The following MPDZ variants were observed in gnomAD, a reference collection of about 807,000 sequenced individuals.
MPDZ encodes multiple PDZ domain protein.
In MPDZ, 234 loss-of-function variants were observed where a neutral mutation model predicts 239.1. The observed-to-expected ratio is 0.98, with a 90% CI of 0.88 to 1.09. The LOEUF is 1.09. Ranked by LOEUF, MPDZ falls within the 50% of genes least tolerant of loss-of-function variation. The pLI is 0.00. For synonymous variants in MPDZ, 1,048 were observed against 881.3 expected (o/e 1.19, Z -3.35); for missense variants, 3,175 against 2,510.0 (o/e 1.26, Z -5.66).
At chr9:13,193,436 A>G (rs536219700) in intron 13 of MPDZ, 123 bp from the exon 14 acceptor site, 60 of 1,104,832 alleles carry the variant, frequency 5.4e-5, no homozygotes, top group Admixed American at 1.7e-4. Flanking sequence ...TTCAAAAACC[A>G]TATTGTAAAA....
chr9:13,238,504 C>G (rs564354147), intron 3 of MPDZ, among the ~76,000 whole-genome samples: 7 of 152,252 alleles, frequency 4.6e-5, no homozygotes, highest in Admixed American at 4.6e-4. Flanking sequence ...TGGCAAGGAG[C>G]TGTTCTCCTC....
chr9:13,246,425 G>T (rs966803021), intron 3 of MPDZ, among the ~76,000 whole-genome samples: 2 of 152,212 alleles, frequency 1.3e-5, no homozygotes, highest in African/African-American at 4.8e-5. Context: ...CTGAGTGGCA[G>T]AATGAGACTC....
intron 39 of MPDZ, among the ~76,000 whole-genome samples, chr9:13,115,683 C>T (rs1265689154): frequency 6.6e-5 from 10 of 151,964 alleles, no homozygotes; most frequent in South Asian, 2.1e-4. Flanking sequence ...AAAAACAAAG[C>T]GACTGTAATC....
At chr9:13,169,879 CCTT>C (rs1313129526) in intron 21 of MPDZ, among the ~76,000 whole-genome samples, 2 of 152,124 alleles carry the variant, frequency 1.3e-5, no homozygotes, top group Admixed American at 1.3e-4. Flanking sequence ...TTGCCTGACA[CCTT>C]CTTTCTGCAG....
At chr9:13,273,018 G>C (rs142041106) in intron 1 of MPDZ, among the ~76,000 whole-genome samples, 1 of 152,034 alleles carries the variant, frequency 6.6e-6, no homozygotes, top group Non-Finnish European at 1.5e-5. Context: ...CTAATGAATG[G>C]GATTAGTGCC....
At chr9:13,262,776 T>C (rs1445692747) in intron 1 of MPDZ, among the ~76,000 whole-genome samples, 1 of 152,090 alleles carries the variant, frequency 6.6e-6, no homozygotes, top group Admixed American at 6.5e-5. Flanking sequence ...TAGACTCATT[T>C]TTTAAAGAAC....
At chr9:13,135,972 C>T in intron 31 of MPDZ, 120 bp downstream of exon 31, 1 of 659,618 alleles carries the variant, frequency 1.5e-6, no homozygotes. Context: ...CCTTGAAGGC[C>T]AAGGCTATAA....
Position 13,256,674 on chromosome 9 carries a change from T to C in MPDZ, c.-57-6302A>G, listed in dbSNP as rs115156587. 8.9e-3 allele frequency among the ~76,000 whole-genome samples: 1,360 copies of C among 152,260 alleles called. 24 individuals carry two copies. The highest frequency in any genetic ancestry group is 0.031 in the African/African-American group (1,302 of 41,552). On this transcript the variant is annotated intron_variant, in intron 1 of 46. Transcript: ENST00000319217. Reference sequence around the variant, plus strand: ...CATTTATTAGGTTCACCATCTTAAATGTGCAGGGCTGTAGCACCCCAAAAT... The same window carrying C: ...CATTTATTAGGTTCACCATCTTAAACGTGCAGGGCTGTAGCACCCCAAAAT...
chr9:13,106,851 C>A lies in MPDZ; in HGVS notation c.*114G>T, dbSNP rs1028025519. On this transcript the variant is annotated 3_prime_UTR_variant, in exon 47 of 47. Coordinates refer to ENST00000319217, the MANE Select transcript of MPDZ (RefSeq NM_001378778.1). ...AAAGAAACTTAAGTGTTATTTCCCCCCTACAGTTTTGAAGACCCGGCTGAA... is the reference window on the plus strand; with the variant it reads ...AAAGAAACTTAAGTGTTATTTCCCCACTACAGTTTTGAAGACCCGGCTGAA... The A allele has an allele frequency of 4.4e-6, 5 of 1,141,906 alleles. No individual in the cohort carries two copies. Among genetic ancestry groups the A allele is most frequent in the African/African-American group, 1.5e-5 (1 of 65,400 alleles). 70.7% of individuals were successfully genotyped at this position (1,141,906 alleles called of 1,614,324 possible).
In MPDZ at chr9:13,147,768, T is replaced by C. The variant is rs904345822; in HGVS notation, c.3631-110A>G. On this transcript the variant is annotated intron_variant, in intron 25 of 46. Transcript: ENST00000319217. ...GGTTAGACTCCTAGAAAATCTGTTT[T>C]AATATCAAAAATAATTGAGACTACA... The C allele has an allele frequency of 4.1e-6, 3 of 727,060 alleles. No individual in the cohort carries two copies. In the Admixed American group the frequency reaches 8.1e-5, roughly 20 times the overall value. The allele number at this position is 727,060 out of a possible 1,614,324, so 45.0% of individuals were successfully genotyped here. A position where few individuals can be genotyped will look rare whatever the true frequency, so the allele number is the denominator to read the frequency against.
intron 24 of MPDZ, among the ~76,000 whole-genome samples, chr9:13,156,656 G>A (rs1050101061): frequency 6.6e-6 from 1 of 152,112 alleles, no homozygotes; most frequent in Non-Finnish European, 1.5e-5. Flanking sequence ...GATTTGGGTG[G>A]GGACACAGAG....
At position 13,176,302 on chromosome 9, in the gene MPDZ, C is replaced by T. The variant is rs376238499; in HGVS notation, c.2765G>A (p.Ser922Asn). The T allele has an allele frequency of 2.1e-5, 34 of 1,610,068 alleles. No homozygotes were observed. Among genetic ancestry groups the T allele is most frequent in the Non-Finnish European group, 2.5e-5 (29 of 1,178,020 alleles). Reference protein sequence around the residue: ...QDENTPSVDISMGPASGFTIN... With the variant: ...QDENTPSVDINMGPASGFTIN... ...AGTAAAGCCAGAAGCAGGCCCCATA[C>T]TTATGTCCACCGAAGGTGTATTCTC... The change falls in exon 20 of 47, where the codon AGT becomes AAT. Residue 922 changes from serine (S) to asparagine (N), a missense_variant. Ser to Asn is a conservative substitution (Grantham distance 46). Coordinates refer to ENST00000319217, the MANE Select transcript of MPDZ (RefSeq NM_001378778.1).
chr9:13,259,532 A>G (rs1218765836), intron 1 of MPDZ, among the ~76,000 whole-genome samples: 6 of 152,256 alleles, frequency 3.9e-5, no homozygotes, highest in Non-Finnish European at 7.4e-5. Context: ...AGAAATGAAC[A>G]ATTAAAATAC....
At chr9:13,129,561 T>C (rs1487638684) in intron 32 of MPDZ, among the ~76,000 whole-genome samples, 1 of 152,052 alleles carries the variant, frequency 6.6e-6, no homozygotes, top group Non-Finnish European at 1.5e-5. Context: ...GAATGTGCAA[T>C]TTTTTATCTA....
chr9:13,217,146 C>T, intron 9 of MPDZ, 34 bp downstream of exon 9: 12 of 1,316,118 alleles, frequency 9.1e-6, no homozygotes, highest in Non-Finnish European at 1.2e-5. Flanking sequence ...AGGTAATTGT[C>T]AAGTTTAAAA....
Position 13,126,716 on chromosome 9 carries a change from G to T in MPDZ, c.4521C>A (p.Ile1507=). ...CCCCATGCTCTGTTAAGCTCTTTAT[G>T]ATGACTCCACTGAGTGTATCTTCTT... ...ISEEDTLSGV[I]IKSLTEHGVA... The change falls in exon 33 of 47, where the codon ATC becomes ATA. Residue 1507 remains isoleucine, a synonymous_variant. Transcript: ENST00000319217. 6.2e-7 allele frequency: 1 copy of T among 1,613,852 alleles called. No individual in the cohort carries two copies. Among genetic ancestry groups the T allele is most frequent in the Admixed American group, 1.7e-5 (1 of 60,024 alleles).
intron 15 of MPDZ, among the ~76,000 whole-genome samples, chr9:13,191,303 T>G (rs1006052275): frequency 6.6e-6 from 1 of 152,152 alleles, no homozygotes; most frequent in African/African-American, 2.4e-5. Flanking sequence ...AATTATTCCA[T>G]TGTACTGATT....
chr9:13,110,723 G>C lies in MPDZ; in HGVS notation c.5742C>G (p.Val1914=). Residue 1914 remains valine (V), a synonymous_variant, in exon 44 of 47, where the codon GTC becomes GTG. Coordinates refer to ENST00000319217, the MANE Select transcript of MPDZ (RefSeq NM_001378778.1). ...TQKLRVGDRI[V]TICGTSTEGM... ...CCTCAGTGGATGTGCCACAGATGGT[G>C]ACAATCCTATCCCCAACCTGCAAGG... 6.2e-7 allele frequency: 1 copy of C among 1,613,184 alleles called. No individual in the cohort carries two copies.
At chr9:13,200,852 G>A (rs1380931684) in intron 12 of MPDZ, among the ~76,000 whole-genome samples, 1 of 151,950 alleles carries the variant, frequency 6.6e-6, no homozygotes, top group Non-Finnish European at 1.5e-5. Context: ...CCTGGAGTAT[G>A]TTCCATATGT....
Sources: allele counts gnomAD v4.1 joint callset (sites outside exome capture counted in the v4.1 genomes callset), GRCh38; gene constraint gnomAD v4.1.1; transcripts MANE v1.5; gene names NCBI Gene and HGNC (gene_info 2026-07-23, HGNC 2026-07-21).